CFAP47: variants seen among roughly 807,000 people sequenced by gnomAD.
CFAP47 encodes cilia- and flagella-associated protein 47.
In CFAP47, 29 loss-of-function variants were observed where a neutral mutation model predicts 148.1. The observed-to-expected ratio is 0.20, with a 90% CI of 0.15 to 0.27. The LOEUF is 0.27. CFAP47 is among the 10% of genes least tolerant of loss of function. The probability of loss-of-function intolerance (pLI) is 1.00; values close to 1 mark genes in which losing one functional copy is unlikely to be tolerated. For synonymous variants in CFAP47, 664 were observed against 577.3 expected (o/e 1.15, Z -2.15); for missense variants, 1,872 against 1,697.5 (o/e 1.10, Z -1.81).
chrX:35,921,485 G>A (rs374096223), intron 1 of CFAP47, among the ~76,000 whole-genome samples: 1 of 111,953 alleles, frequency 8.9e-6, no homozygotes, highest in East Asian at 2.8e-4. Context: ...CAAGCTGGTG[G>A]TAATAATGTT....
chrX:36,274,189 A>G (rs1227963836), intron 49 of CFAP47, among the ~76,000 whole-genome samples: 1 of 112,208 alleles, frequency 8.9e-6, no homozygotes, highest in Admixed American at 9.5e-5. Flanking sequence ...AACATAATAA[A>G]CTTTAAATGA....
intron 57 of CFAP47, among the ~76,000 whole-genome samples, chrX:36,320,782 T>C (rs1941472522): frequency 8.9e-6 from 1 of 112,318 alleles, no homozygotes; most frequent in African/African-American, 3.2e-5. Flanking sequence ...CAAATGCTAA[T>C]GTTTCTATAG....
intron 27 of CFAP47, among the ~76,000 whole-genome samples, chrX:36,070,617 G>A (rs769996984): frequency 6.6e-5 from 7 of 106,580 alleles, no homozygotes; most frequent in African/African-American, 1.7e-4. Context: ...TCAGCCTCCC[G>A]AGTAGCTGGG....
chrX:36,230,966 C>T (rs1390881077), intron 46 of CFAP47, among the ~76,000 whole-genome samples: 1 of 104,347 alleles, frequency 9.6e-6, no homozygotes, highest in African/African-American at 3.8e-5. Context: ...TTCCATTGAT[C>T]AATATCTCTG....
At chrX:36,301,231 C>G in intron 53 of CFAP47, 52 bp downstream of exon 53, 1 of 671,131 alleles carries the variant, frequency 1.5e-6, no homozygotes, top group Non-Finnish European at 2.3e-6. Flanking sequence ...AATAGTTAAT[C>G]TATTACAATG....
In CFAP47 at chrX:36,188,710, T is replaced by C. The variant is rs1569284366; in HGVS notation, c.6175+20T>C. 2 of 294,782 alleles carry C rather than the reference T, an allele frequency of 6.8e-6. No homozygotes were observed. The highest frequency in any genetic ancestry group is 1.2e-5 in the Non-Finnish European group (2 of 169,371). 24.3% of individuals were successfully genotyped at this position (294,782 alleles called of 1,213,427 possible). The stretch of plus-strand genomic sequence containing the variant: ...ATACCTGTGAGTACCTAAATAAAAG[T>C]TTTTATTTGTTTTCATGTCTGATTT... On this transcript the variant is annotated intron_variant, in intron 41 of 63. Transcript: ENST00000378653.
intron 51 of CFAP47, among the ~76,000 whole-genome samples, chrX:36,297,678 T>C (rs6632558): frequency 0.12 from 13,257 of 110,866 alleles, 644 homozygotes; most frequent in East Asian, 0.26. Context: ...ACAATGTACC[T>C]TGGGGGAAGG....
intron 51 of CFAP47, among the ~76,000 whole-genome samples, chrX:36,296,185 C>T (rs1941240525): frequency 8.9e-6 from 1 of 111,957 alleles, no homozygotes; most frequent in East Asian, 2.8e-4. Flanking sequence ...ACTCCATAGA[C>T]ACCATCCGTA....
intron 22 of CFAP47, among the ~76,000 whole-genome samples, chrX:36,018,379 G>T (rs1283731369): frequency 8.9e-6 from 1 of 111,837 alleles, no homozygotes; most frequent in Non-Finnish European, 1.9e-5. Flanking sequence ...CTCTGGCTAG[G>T]ATTTCCAGTA....
chrX:35,934,178 G>T (rs1247207536), intron 2 of CFAP47, among the ~76,000 whole-genome samples: 1 of 110,925 alleles, frequency 9.0e-6, no homozygotes. Context: ...TTCTGGGTGG[G>T]TCCAGGGGGT....
At chrX:36,081,321 T>C (rs1016574697) in intron 29 of CFAP47, among the ~76,000 whole-genome samples, 1 of 110,996 alleles carries the variant, frequency 9.0e-6, no homozygotes, top group Admixed American at 9.6e-5. Flanking sequence ...CCTGAACAGA[T>C]CAATATTGAT....
intron 23 of CFAP47, among the ~76,000 whole-genome samples, chrX:36,032,229 A>G (rs1937287650): frequency 1.8e-5 from 2 of 110,606 alleles, no homozygotes; most frequent in South Asian, 7.5e-4. Flanking sequence ...ATTTTATTCA[A>G]TCGATGTAAG....
chrX:36,049,488 T>A (rs746787951), intron 26 of CFAP47, among the ~76,000 whole-genome samples: 2,846 of 92,244 alleles, frequency 0.031, 77 homozygotes, highest in Admixed American at 0.11. Flanking sequence ...TTTCTCTCTC[T>A]CACACACACA....
Position 36,296,250 on chromosome X carries a change from C to T in CFAP47, c.7687-2727C>T, listed in dbSNP as rs146676500. Among the ~76,000 whole-genome samples, 214 of 112,098 alleles carry T rather than the reference C, an allele frequency of 1.9e-3. 1 individual carries two copies. The highest frequency in any genetic ancestry group is 6.6e-3 in the African/African-American group (204 of 30,901). On this transcript the variant is annotated intron_variant, in intron 51 of 63. Transcript: ENST00000378653. ...AGAATATTATGACACTTTTGTACCA[C>T]GAGAGCATGGTCTTGTTAGATAGGT...
chrX:36,091,342 A>G (rs1233046460), intron 30 of CFAP47, among the ~76,000 whole-genome samples: 2 of 110,812 alleles, frequency 1.8e-5, no homozygotes, highest in African/African-American at 6.6e-5. Flanking sequence ...CCACTTACAC[A>G]CTGAAATTCT....
intron 33 of CFAP47, among the ~76,000 whole-genome samples, chrX:36,112,046 T>A (rs1404719976): frequency 1.8e-5 from 2 of 111,560 alleles, no homozygotes; most frequent in Non-Finnish European, 3.8e-5. Flanking sequence ...TTTCACAAAC[T>A]CAACTCCTGG....
chrX:36,109,399 A>G, intron 33 of CFAP47, among the ~76,000 whole-genome samples: 1 of 111,888 alleles, frequency 8.9e-6, no homozygotes, highest in Non-Finnish European at 1.9e-5. Context: ...GAACTAATTT[A>G]CACTCCCAGC....
intron 15 of CFAP47, among the ~76,000 whole-genome samples, chrX:35,987,916 G>C (rs185636750): frequency 9.0e-6 from 1 of 111,252 alleles, no homozygotes; most frequent in African/African-American, 3.3e-5. Context: ...CCCTGCTTCG[G>C]CTTGCCTTCT....
At chrX:36,273,690 G>A (rs1369004836) in intron 49 of CFAP47, among the ~76,000 whole-genome samples, 1 of 111,329 alleles carries the variant, frequency 9.0e-6, no homozygotes, top group Admixed American at 9.6e-5. Context: ...GTGAAAAAAA[G>A]TTATCATGTT....
Sources: allele counts gnomAD v4.1 joint callset (sites outside exome capture counted in the v4.1 genomes callset), GRCh38; gene constraint gnomAD v4.1.1; transcripts MANE v1.5; gene names NCBI Gene and HGNC (gene_info 2026-07-23, HGNC 2026-07-21).